The following ABHD13 variants were observed in gnomAD, a reference collection of about 807,000 sequenced individuals.
ABHD13 encodes the protein abhydrolase domain containing 13, also known as protein ABHD13.
ABHD13 carries 7 observed loss-of-function variants against 25.2 expected under a neutral mutation model. The observed-to-expected ratio is 0.28, with a 90% CI of 0.16 to 0.52. The LOEUF is 0.52. ABHD13 is among the 20% of genes least tolerant of loss of function. The pLI, the probability that ABHD13 is intolerant of heterozygous loss-of-function variation, is 0.96. For missense variants in ABHD13, 302 were observed against 402.7 expected, an observed-to-expected ratio of 0.75 and a Z score of 2.14; for synonymous variants, 133 against 136.1, an observed-to-expected ratio of 0.98 and a Z score of 0.16.
intron 1 of ABHD13, among the ~76,000 whole-genome samples, chr13:108,222,603 G>A (rs992439537): frequency 2.0e-5 from 3 of 151,994 alleles, no homozygotes; most frequent in African/African-American, 7.3e-5. Flanking sequence ...TTGTATGTAT[G>A]TGGATTATAT....
At position 108,233,401 on chromosome 13, in the gene ABHD13, A is replaced by G. The variant is rs751702064; in HGVS notation, c.*3169A>G. Reference sequence around the variant, plus strand: ...AGGAGACCCTTTTCTCCTTGAGGATAGGGATAGGTAAGGTAAACTTGTAAA... The same window carrying G: ...AGGAGACCCTTTTCTCCTTGAGGATGGGGATAGGTAAGGTAAACTTGTAAA... On this transcript the variant is annotated 3_prime_UTR_variant, in exon 2 of 2. Coordinates refer to ENST00000375898, the MANE Select transcript of ABHD13 (RefSeq NM_032859.3). The G allele has an allele frequency of 3.4e-4, 56 of 166,876 alleles. No homozygotes were observed. The highest frequency in any genetic ancestry group is 7.2e-4 in the Admixed American group (11 of 15,240). 10.3% of individuals were successfully genotyped at this position (166,876 alleles called of 1,614,324 possible).
rs371681066 is a variant in ABHD13 at position 108,227,138 on chromosome 13, G to C, written c.-20-2061G>C. Among the ~76,000 whole-genome samples the C allele has an allele frequency of 3.9e-4, 59 of 152,172 alleles. No homozygotes were observed. In the Middle Eastern group the frequency reaches 0.014, roughly 35 times the overall value. ...TATCACAAAACAGTTTAGTTAATGT[G>C]ACTTTTCAGGAATGTTTTGTGGAAA... On this transcript the variant is annotated intron_variant, in intron 1 of 1. Coordinates refer to ENST00000375898, the MANE Select transcript of ABHD13 (RefSeq NM_032859.3).
chr13:108,228,219 TA>T (rs34511067), intron 1 of ABHD13, among the ~76,000 whole-genome samples: 99,450 of 151,686 alleles, frequency 0.66, 33,816 homozygotes, highest in African/African-American at 0.81. Context: ...TTATATCAGT[TA>T]ACATATTTTA....
In ABHD13 at chr13:108,229,117, A is replaced by G. The variant is rs748543420; in HGVS notation, c.-20-82A>G. 9.5e-7 allele frequency: 1 copy of G among 1,052,164 alleles called. No homozygotes were observed. The highest frequency in any genetic ancestry group is 1.4e-6 in the Non-Finnish European group (1 of 732,034). The allele number at this position is 1,052,164 out of a possible 1,614,324, so 65.2% of individuals were successfully genotyped here. The stretch of plus-strand genomic sequence containing the variant: ...CATATTTAACAATTACATGTGGCCT[A>G]GTACCATAGTTTATTATATTGTGGA... On this transcript the variant is annotated intron_variant, in intron 1 of 1. Coordinates refer to ENST00000375898, the MANE Select transcript of ABHD13 (RefSeq NM_032859.3). The surrounding 1 kb of genome is among the most constrained non-coding windows in gnomAD (Gnocchi z 4.7).
rs1219613374 is a variant in ABHD13 at position 108,229,557 on chromosome 13, T to G, written c.339T>G (p.Tyr113Ter). 2 of 1,613,242 alleles carry G rather than the reference T, an allele frequency of 1.2e-6. No individual in the cohort carries two copies. Among genetic ancestry groups the G allele is most frequent in the Non-Finnish European group, 1.7e-6 (2 of 1,179,568 alleles). Reference sequence around the variant, plus strand: ...GATACACTGGAGACAATTCACCCTATTCCCCAACTATAATTTATTTTCATG... The same window carrying G: ...GATACACTGGAGACAATTCACCCTAGTCCCCAACTATAATTTATTTTCATG... The part of the protein sequence containing the change: ...LIRYTGDNSP[Y>*]SPTIIYFHGN... The change falls in exon 2 of 2, where the codon TAT becomes TAG. Residue 113 changes from tyrosine (Y) to a stop codon, truncating the protein, a stop_gained. Transcript: ENST00000375898. LOFTEE classifies it high-confidence loss of function. The surrounding 1 kb of genome is among the most constrained non-coding windows in gnomAD (Gnocchi z 4.7).
chr13:108,229,947 C>T lies in ABHD13; in HGVS notation c.729C>T (p.Tyr243=). Residue 243 remains tyrosine (Y), a synonymous_variant, in exon 2 of 2, where the codon TAC becomes TAT. Coordinates refer to ENST00000375898, the MANE Select transcript of ABHD13 (RefSeq NM_032859.3). The surrounding 1 kb of genome is among the most constrained non-coding windows in gnomAD (Gnocchi z 4.7). ...TGCGTTACCTTCCTTTATGGTGCTA[C>T]AAAAATAAATTTTTGTCCTACAGAA... The part of the protein sequence containing the change: ...FPMRYLPLWC[Y]KNKFLSYRKI... 1 of 1,613,172 alleles carries T rather than the reference C, an allele frequency of 6.2e-7. No homozygotes were observed. The highest frequency in any genetic ancestry group is 8.5e-7 in the Non-Finnish European group (1 of 1,179,422).
intron 1 of ABHD13, among the ~76,000 whole-genome samples, chr13:108,224,341 AT>A (rs1566379757): frequency 1.3e-5 from 2 of 152,170 alleles, no homozygotes; most frequent in African/African-American, 4.8e-5. Flanking sequence ...TCTGATGACC[AT>A]CTCTTACGGA....
At chr13:108,223,080 C>A (rs1188993092) in intron 1 of ABHD13, among the ~76,000 whole-genome samples, 1 of 152,240 alleles carries the variant, frequency 6.6e-6, no homozygotes, top group Non-Finnish European at 1.5e-5. Context: ...ACATCAAAAT[C>A]TGTTGGTTTG....
intron 1 of ABHD13, among the ~76,000 whole-genome samples, chr13:108,225,861 T>G (rs749009588): frequency 1.3e-5 from 2 of 152,196 alleles, no homozygotes; most frequent in African/African-American, 2.4e-5. Flanking sequence ...TCTAATTGGC[T>G]CTCCTACTCA....
In ABHD13 at chr13:108,229,320, A is replaced by G. The variant is rs1484581927; in HGVS notation, c.102A>G (p.Ile34Met). The change falls in exon 2 of 2, where the codon ATA (isoleucine) becomes ATG (methionine). Residue 34 changes from isoleucine to methionine, a missense_variant. Ile to Met is a conservative substitution (Grantham distance 10). Coordinates refer to ENST00000375898, the MANE Select transcript of ABHD13 (RefSeq NM_032859.3). This position sits in a 1 kb window ranked among gnomAD's most constrained non-coding sequence, Gnocchi z 4.7. ...ALCRISLLPL[I>M]VTFHLYGGII... ...GCCGTATTTCTCTTTTACCTTTAAT[A>G]GTGACTTTTCATCTGTATGGAGGCA... 6.2e-7 allele frequency: 1 copy of G among 1,612,252 alleles called. No individual in the cohort carries two copies. Among genetic ancestry groups the G allele is most frequent in the East Asian group, 2.2e-5 (1 of 44,874 alleles).
Position 108,220,291 on chromosome 13 carries a change from C to T in ABHD13, c.-21+1632C>T, listed in dbSNP as rs143485100. Reference sequence around the variant, plus strand: ...CTTGGCACACTGCCCTCTTCTTGGGCACATCAAAGACCTCTTGGCATGTGG... The same window carrying T: ...CTTGGCACACTGCCCTCTTCTTGGGTACATCAAAGACCTCTTGGCATGTGG... On this transcript the variant is annotated intron_variant, in intron 1 of 1. Transcript: ENST00000375898. 2.2e-4 allele frequency among the ~76,000 whole-genome samples: 33 copies of T among 152,314 alleles called. No homozygotes were observed. The East Asian group carries it at 5.4e-3, about 25-fold the overall frequency.
In ABHD13 at chr13:108,232,981, T is replaced by C. The variant is rs557528776; in HGVS notation, c.*2749T>C. On this transcript the variant is annotated 3_prime_UTR_variant, in exon 2 of 2. Coordinates refer to ENST00000375898, the MANE Select transcript of ABHD13 (RefSeq NM_032859.3). ...TAATGAGATTGGTGAAAGGAAATCA[T>C]GCAAAACATTTGAATGCAAAGCATT... 7.2e-5 allele frequency: 12 copies of C among 167,034 alleles called. No homozygotes were observed. Among genetic ancestry groups the C allele is most frequent in the South Asian group, 6.2e-4 (3 of 4,826 alleles). 10.3% of individuals were successfully genotyped at this position (167,034 alleles called of 1,614,324 possible). A position where few individuals can be genotyped will look rare whatever the true frequency, so the allele number is the denominator to read the frequency against.
In ABHD13 at chr13:108,233,247, TATTA is replaced by T. The variant is rs1305608973; in HGVS notation, c.*3019_*3022del. On this transcript the variant is annotated 3_prime_UTR_variant, in exon 2 of 2. Transcript: ENST00000375898. The stretch of plus-strand genomic sequence containing the variant: ...GAATTCATACCATCTGATGCTTATA[TATTA>T]ATTTCTTATGTTTGTAAGTTTGGCT... 2 of 166,822 alleles carry T rather than the reference TATTA, an allele frequency of 1.2e-5. No individual in the cohort carries two copies. Among genetic ancestry groups the T allele is most frequent in the Non-Finnish European group, 2.9e-5 (2 of 68,010 alleles). 10.3% of individuals were successfully genotyped at this position (166,822 alleles called of 1,614,324 possible).
intron 1 of ABHD13, among the ~76,000 whole-genome samples, chr13:108,226,687 T>G (rs1170441920): frequency 2.0e-5 from 3 of 152,330 alleles, no homozygotes; most frequent in Non-Finnish European, 4.4e-5. Context: ...TTCTATTGAC[T>G]GTCATAACAT....
Position 108,230,153 on chromosome 13 carries a change from A to G in ABHD13, c.935A>G (p.Glu312Gly), listed in dbSNP as rs1438606464. Reference protein sequence around the residue: ...WQCQGYFTALEQFIKEVVKSH... With the variant: ...WQCQGYFTALGQFIKEVVKSH... ...TGCCAAGGCTATTTCACTGCACTTG[A>G]ACAGTTCATCAAAGAAGTCGTAAAG... is the stretch of plus-strand genomic sequence containing the variant. The change falls in exon 2 of 2, where the codon GAA becomes GGA. Residue 312 changes from glutamate to glycine, a missense_variant. Transcript: ENST00000375898. The G allele has an allele frequency of 1.2e-6, 2 of 1,612,884 alleles. No homozygotes were observed. Among genetic ancestry groups the G allele is most frequent in the Middle Eastern group, 3.3e-4 (2 of 6,058 alleles).
At position 108,234,117 on chromosome 13, in the gene ABHD13, A is replaced by G. The variant is rs760236155; in HGVS notation, c.*3885A>G. On this transcript the variant is annotated 3_prime_UTR_variant, in exon 2 of 2. Coordinates refer to ENST00000375898, the MANE Select transcript of ABHD13 (RefSeq NM_032859.3). ...TTTATAACTCAAATTTGAATGTCAT[A>G]GTACATTGTGTGCTAACCATGGCAA... is the stretch of plus-strand genomic sequence containing the variant. The G allele has an allele frequency of 6.0e-5, 10 of 166,956 alleles. No individual in the cohort carries two copies. The highest frequency in any genetic ancestry group is 1.5e-4 in the Non-Finnish European group (10 of 67,998). The allele number at this position is 166,956 out of a possible 1,614,324, so 10.3% of individuals were successfully genotyped here.
rs909796703 is a variant in ABHD13 at position 108,218,448 on chromosome 13, C to G, written c.-232C>G. 2 of 152,162 alleles carry G rather than the reference C, an allele frequency of 1.3e-5. No homozygotes were observed. Among genetic ancestry groups the G allele is most frequent in the African/African-American group, 2.4e-5 (1 of 41,422 alleles). 9.4% of individuals were successfully genotyped at this position (152,162 alleles called of 1,614,324 possible). A position where few individuals can be genotyped will look rare whatever the true frequency, so the allele number is the denominator to read the frequency against. On this transcript the variant is annotated 5_prime_UTR_variant, in exon 1 of 2. Coordinates refer to ENST00000375898, the MANE Select transcript of ABHD13 (RefSeq NM_032859.3). ...AGACGGAGAACAGGTTATGTGGGAG[C>G]CGGCGGGGGCATTTGCCGGCGACAC...
intron 1 of ABHD13, among the ~76,000 whole-genome samples, chr13:108,224,146 G>A (rs12429583): frequency 0.02 from 3,066 of 152,296 alleles, 134 homozygotes; most frequent in Admixed American, 0.11. Context: ...TATATGTAAT[G>A]ACAATTGTCA....
At chr13:108,224,977 GACAC>G (rs200962643) in intron 1 of ABHD13, among the ~76,000 whole-genome samples, 86 of 152,178 alleles carry the variant, frequency 5.7e-4, no homozygotes, top group African/African-American at 2.0e-3. Flanking sequence ...TATTTTTTGA[GACAC>G]ACTCACTAAT....
Sources: allele counts gnomAD v4.1 joint callset (sites outside exome capture counted in the v4.1 genomes callset), GRCh38; gene constraint gnomAD v4.1.1; non-coding constraint Gnocchi (gnomAD v3.1); transcripts MANE v1.5; gene names NCBI Gene and HGNC (gene_info 2026-07-23, HGNC 2026-07-21).